The following PDE10A variants were observed in gnomAD, a reference collection of about 807,000 sequenced individuals.
PDE10A encodes the protein cAMP and cAMP-inhibited cGMP 3',5'-cyclic phosphodiesterase 10A.
A neutral mutation model predicts 97.7 loss-of-function variants in PDE10A; 39 were observed. That is an observed-to-expected ratio of 0.40 (90% confidence interval 0.31 to 0.52). The LOEUF is 0.52. Ranked by LOEUF, PDE10A falls within the 20% of genes least tolerant of loss-of-function variation. The probability of loss-of-function intolerance (pLI) is 0.56; values close to 1 mark genes in which losing one functional copy is unlikely to be tolerated. For synonymous variants in PDE10A, 371 were observed against 376.8 expected, an observed-to-expected ratio of 0.98 and a Z score of 0.18; for missense variants, 731 against 1,047.8, an observed-to-expected ratio of 0.70 and a Z score of 4.17.
chr6:165,957,541 A>T (rs918253039), intron 1 of PDE10A, among the ~76,000 whole-genome samples: 3 of 152,158 alleles, frequency 2.0e-5, no homozygotes, highest in Non-Finnish European at 4.4e-5. Context: ...AATAATTACA[A>T]CTAACGTTTT....
At chr6:165,979,029 C>T (rs1208651776) in intron 1 of PDE10A, among the ~76,000 whole-genome samples, 2 of 152,048 alleles carry the variant, frequency 1.3e-5, no homozygotes, top group African/African-American at 4.8e-5. Context: ...GATCTCCCAC[C>T]CAAAATTTCA....
At chr6:165,983,651 C>T (rs1307919913) in intron 1 of PDE10A, among the ~76,000 whole-genome samples, 1 of 152,202 alleles carries the variant, frequency 6.6e-6, no homozygotes, top group Non-Finnish European at 1.5e-5. Flanking sequence ...AACACATAAA[C>T]CTTCCAAGTT....
chr6:165,667,859 A>T (rs1031369509), upstream of PDE10A, among the ~76,000 whole-genome samples: 4 of 152,220 alleles, frequency 2.6e-5, no homozygotes, highest in Non-Finnish European at 4.4e-5. Flanking sequence ...TAACCATGTG[A>T]ATATTAACTC....
chr6:165,755,119 T>G (rs552215745), intron 1 of PDE10A, among the ~76,000 whole-genome samples: 6 of 152,328 alleles, frequency 3.9e-5, no homozygotes, highest in African/African-American at 1.4e-4. Flanking sequence ...GATGGACTTG[T>G]GTCATCTACT....
In PDE10A at chr6:165,830,807, G is replaced by A. The variant is rs117509713; in HGVS notation, c.-615+156722C>T. Among the ~76,000 whole-genome samples, 8 of 152,234 alleles carry A rather than the reference G, an allele frequency of 5.3e-5. No homozygotes were observed. The East Asian group carries it at 7.7e-4, about 15-fold the overall frequency. ...CCCATTTCTTGTGCCAATAACACAC[G>A]CTCTTTCAGAGTCAAACTGATGTGA... On this transcript the variant is annotated intron_variant, in intron 1 of 19. Coordinates refer to the PDE10A transcript ENST00000366882.
chr6:165,431,810 G>C (rs1789597678), intron 7 of PDE10A, among the ~76,000 whole-genome samples: 1 of 151,242 alleles, frequency 6.6e-6, no homozygotes, highest in Non-Finnish European at 1.5e-5. Context: ...ATGTTCTCTT[G>C]TTCATCTTAA....
intron 1 of PDE10A, among the ~76,000 whole-genome samples, chr6:165,896,961 C>A (rs1396756792): frequency 6.6e-6 from 1 of 151,230 alleles, no homozygotes; most frequent in African/African-American, 2.5e-5. Context: ...TGAGCCACCA[C>A]CCCTGGCCTC....
chr6:165,868,491 A>G (rs1251241164), intron 1 of PDE10A, among the ~76,000 whole-genome samples: 1 of 151,820 alleles, frequency 6.6e-6, no homozygotes, highest in African/African-American at 2.4e-5. Flanking sequence ...CAGACCAGTA[A>G]AAAGTAACAG....
intron 1 of PDE10A, among the ~76,000 whole-genome samples, chr6:165,648,109 T>C (rs1413589618): frequency 6.6e-6 from 1 of 152,168 alleles, no homozygotes; most frequent in Non-Finnish European, 1.5e-5. Context: ...ACCTCTCGGG[T>C]TCACGCCATT....
chr6:165,946,498 T>TAAA (rs57063900), intron 1 of PDE10A, among the ~76,000 whole-genome samples: 1 of 128,532 alleles, frequency 7.8e-6, no homozygotes, highest in Non-Finnish European at 1.8e-5. Context: ...TATCTCAAAA[T>TAAA]AAAAAAAAAA....
At chr6:165,572,173 T>A (rs1392676055) in intron 1 of PDE10A, among the ~76,000 whole-genome samples, 1 of 152,222 alleles carries the variant, frequency 6.6e-6, no homozygotes, top group African/African-American at 2.4e-5. Context: ...GCAAGTTTAG[T>A]GCTTGAAGAA....
At chr6:165,385,122 T>TA (rs1367791761) in intron 17 of PDE10A, among the ~76,000 whole-genome samples, 1 of 152,146 alleles carries the variant, frequency 6.6e-6, no homozygotes, top group African/African-American at 2.4e-5. Context: ...GATAGCATCT[T>TA]AATTAGTCAA....
At chr6:165,469,181 A>G (rs568583481) in intron 3 of PDE10A, among the ~76,000 whole-genome samples, 11 of 152,356 alleles carry the variant, frequency 7.2e-5, no homozygotes, top group African/African-American at 2.6e-4. Flanking sequence ...AATCGGGAAC[A>G]GACTTTAAAA....
chr6:165,671,139 T>A lies in PDE10A; in HGVS notation c.-614-127571A>T. ...CTTTTTGGGTAAAACGTTCACTAAT[T>A]TTTTTTTTTTTAAGAATCAACAACA... On this transcript the variant is annotated intron_variant, in intron 1 of 19. Transcript: ENST00000366882. The surrounding 1 kb of genome is among the most constrained non-coding windows in gnomAD (Gnocchi z 4.6). Among the ~76,000 whole-genome samples the A allele has an allele frequency of 1.9e-5, 1 of 53,086 alleles. No individual in the cohort carries two copies. Among genetic ancestry groups the A allele is most frequent in the South Asian group, 5.0e-4 (1 of 2,012 alleles). 34.8% of individuals were successfully genotyped at this position (53,086 alleles called of 152,430 possible).
At chr6:165,497,088 A>T (rs995317153) in intron 2 of PDE10A, among the ~76,000 whole-genome samples, 2 of 152,312 alleles carry the variant, frequency 1.3e-5, no homozygotes, top group South Asian at 4.1e-4. Flanking sequence ...GATATTTTTC[A>T]TCAGAAATAA....
At chr6:165,343,301 CA>C (rs1782090225) in intron 19 of PDE10A, 89 bp downstream of exon 19, 2 of 892,614 alleles carry the variant, frequency 2.2e-6, no homozygotes, top group African/African-American at 1.7e-5. Flanking sequence ...AAATAACTAT[CA>C]ACATGAACAA....
intron 1 of PDE10A, among the ~76,000 whole-genome samples, chr6:165,892,142 T>G (rs1006598101): frequency 2.0e-5 from 3 of 152,140 alleles, no homozygotes; most frequent in Admixed American, 2.0e-4. Context: ...CCACAGAAAT[T>G]TTCAGTTCCA....
rs1027377639 is a variant in PDE10A at position 165,785,456 on chromosome 6, T to C, written c.-615+202073A>G. On this transcript the variant is annotated intron_variant, in intron 1 of 19. Transcript: ENST00000366882. ...GGGTGCTTGATTAGCATCATAGATA[T>C]CCTCAGAAAGACAATTAGACTTAAC... Among the ~76,000 whole-genome samples the C allele has an allele frequency of 5.3e-5, 8 of 152,302 alleles. 1 individual carries two copies. Among genetic ancestry groups the C allele is most frequent in the Admixed American group, 5.2e-4 (8 of 15,300 alleles).
intron 1 of PDE10A, among the ~76,000 whole-genome samples, chr6:165,814,799 A>G (rs1378175169): frequency 6.6e-6 from 1 of 152,090 alleles, no homozygotes; most frequent in Non-Finnish European, 1.5e-5. Flanking sequence ...AAGGCCTTTA[A>G]TTCCCTGGGT....
Sources: gnomAD v4.1 joint callset for allele counts (sites outside exome capture counted in the v4.1 genomes callset) on GRCh38, gnomAD v4.1.1 for gene constraint, Gnocchi (gnomAD v3.1) non-coding constraint, MANE v1.5 for transcripts, NCBI Gene and HGNC (gene_info 2026-07-23, HGNC 2026-07-21) for gene names.